LTK: variants seen among roughly 807,000 people sequenced by gnomAD.
The protein encoded by LTK is leukocyte receptor tyrosine kinase.
LTK carries 117 observed loss-of-function variants against 101.5 expected under a neutral mutation model. The observed-to-expected ratio is 1.15, with a 90% CI of 0.99 to 1.34. LTK has a LOEUF of 1.34. Ranked by LOEUF, LTK falls within the 40% of genes most tolerant of loss-of-function variation. LTK has a pLI of 0.00. For synonymous variants in LTK, 563 were observed against 494.2 expected, an observed-to-expected ratio of 1.14 and a Z score of -1.85; for missense variants, 1,252 against 1,164.7, an observed-to-expected ratio of 1.07 and a Z score of -1.09.
Position 41,511,087 on chromosome 15 carries a change from GC to G in LTK, c.997+76del, listed in dbSNP as rs2051440688. ...CTCTCCCACACCTATCCTCCCGAGG[GC>G]TCCGGCCTGTACTTAGGTTCTAACA... On this transcript the variant is annotated intron_variant, in intron 7 of 19. Coordinates refer to ENST00000263800, the MANE Select transcript of LTK (RefSeq NM_002344.6). This position sits in a 1 kb window ranked among gnomAD's most constrained non-coding sequence, Gnocchi z 5.9. The G allele has an allele frequency of 7.7e-7, 1 of 1,299,540 alleles. No homozygotes were observed. Among genetic ancestry groups the G allele is most frequent in the South Asian group, 2.5e-5 (1 of 40,184 alleles). 80.5% of individuals were successfully genotyped at this position (1,299,540 alleles called of 1,614,324 possible).
chr15:41,511,203 C>T lies in LTK; in HGVS notation c.958G>A (p.Gly320Arg), dbSNP rs765599057. 156 of 1,390,846 alleles carry T rather than the reference C, an allele frequency of 1.1e-4. No individual in the cohort carries two copies. Among genetic ancestry groups the T allele is most frequent in the Middle Eastern group, 2.7e-4 (1 of 3,740 alleles). 86.2% of individuals were successfully genotyped at this position (1,390,846 alleles called of 1,614,324 possible). The change falls in exon 7 of 20, where the codon GGG (glycine) becomes AGG (arginine). Residue 320 changes from glycine to arginine, a missense_variant. Coordinates refer to ENST00000263800, the MANE Select transcript of LTK (RefSeq NM_002344.6). This position sits in a 1 kb window ranked among gnomAD's most constrained non-coding sequence, Gnocchi z 5.9. ...AAAGGFGGGG[G>R]ACTAGGGGGG... ...CCGCCTCCGCCCGCAGTGCAGGCCC[C>T]GCCGCCGCCCCCGAAGCCGCCGGCC...
At position 41,505,544 on chromosome 15, in the gene LTK, G is replaced by C. The variant is rs759844131; in HGVS notation, c.1698-14C>G. On this transcript the variant is annotated splice_polypyrimidine_tract_variant and intron_variant, in intron 13 of 19. Transcript: ENST00000263800. Reference sequence around the variant, plus strand: ...TGGCGAAACTTGCTGAGTGGGGTGGGGGACATATCCCGTTACCAGGAGGGA... The same window carrying C: ...TGGCGAAACTTGCTGAGTGGGGTGGCGGACATATCCCGTTACCAGGAGGGA... The C allele has an allele frequency of 8.6e-5, 138 of 1,613,540 alleles. No individual in the cohort carries two copies. Among genetic ancestry groups the C allele is most frequent in the Non-Finnish European group, 1.1e-4 (133 of 1,179,902 alleles).
intron 9 of LTK, 143 bp from the exon 10 acceptor site, chr15:41,507,800 C>A: frequency 1.1e-6 from 1 of 875,216 alleles, no homozygotes; most frequent in Non-Finnish European, 1.7e-6. Flanking sequence ...AGCAACCTCT[C>A]CCTCTTGAAC....
At chr15:41,509,181 A>T in intron 7 of LTK, 52 bp from the exon 8 acceptor site, 1 of 1,085,244 alleles carries the variant, frequency 9.2e-7, no homozygotes, top group South Asian at 1.2e-5. Flanking sequence ...GGGATGGGGG[A>T]GAAGCTGGAA....
rs2051230946 is a variant in LTK, at chr15:41,505,280, C to CG, written c.1852dup (p.Arg618ProfsTer129). On this transcript the variant is annotated frameshift_variant, in exon 15 of 20. Coordinates refer to ENST00000263800, the MANE Select transcript of LTK (RefSeq NM_002344.6). LOFTEE classifies it high-confidence loss of function. ...GTCCTGGGCCAGTTGCAGCAGGTCCCGCATGACCAGAGGTGATGGCTGGCC... is the reference window on the plus strand; with the variant it reads ...GTCCTGGGCCAGTTGCAGCAGGTCCCGGCATGACCAGAGGTGATGGCTGGCC... 6.2e-7 allele frequency: 1 copy of CG among 1,613,818 alleles called. No individual in the cohort carries two copies. Among genetic ancestry groups the CG allele is most frequent in the South Asian group, 1.1e-5 (1 of 91,054 alleles).
At position 41,503,898 on chromosome 15, in the gene LTK, G is replaced by A. The variant is rs1457223927; in HGVS notation, c.*98C>T. ...CCAGACACACAGCACAGACTGCAGG[G>A]AACAGAGGCCGCTGGCATAACAGGC... On this transcript the variant is annotated 3_prime_UTR_variant, in exon 20 of 20. Transcript: ENST00000263800. 4.4e-6 allele frequency: 6 copies of A among 1,364,574 alleles called. No homozygotes were observed. The highest frequency in any genetic ancestry group is 4.4e-5 in the African/African-American group (3 of 68,568). The allele number at this position is 1,364,574 out of a possible 1,614,324, so 84.5% of individuals were successfully genotyped here.
chr15:41,507,337 T>C (rs2051321483), intron 10 of LTK, 47 bp from the exon 11 acceptor site: 1 of 1,530,694 alleles, frequency 6.5e-7, no homozygotes, highest in East Asian at 2.3e-5. Flanking sequence ...GCCCATCAAC[T>C]CTCCCTCCCC....
chr15:41,512,082 C>A (rs1198779400), intron 4 of LTK, 33 bp downstream of exon 4: 1 of 1,546,302 alleles, frequency 6.5e-7, no homozygotes, highest in East Asian at 2.4e-5. Context: ...CCCCCGGCGC[C>A]GGCGCCGCCC....
At chr15:41,505,114 C>T in intron 15 of LTK, 50 bp from the exon 16 acceptor site, 5 of 1,584,092 alleles carry the variant, frequency 3.2e-6, no homozygotes, top group Non-Finnish European at 4.3e-6. Context: ...AGTTCTTGCT[C>T]TTCCTGATCT....
intron 12 of LTK, 36 bp from the exon 13 acceptor site, chr15:41,505,813 T>C (rs761571899): frequency 6.2e-7 from 1 of 1,611,124 alleles, no homozygotes; most frequent in Non-Finnish European, 8.5e-7. Flanking sequence ...TGAGCTGCCC[T>C]GCACGCTTCA....
Position 41,503,860 on chromosome 15 carries a change from C to G in LTK, c.*136G>C. ...GGCAAGTGCAGCGCTGCCAGGCCAGCCCCGAGACAGGCCCAGACACACAGC... is the reference window on the plus strand; with the variant it reads ...GGCAAGTGCAGCGCTGCCAGGCCAGGCCCGAGACAGGCCCAGACACACAGC... On this transcript the variant is annotated 3_prime_UTR_variant, in exon 20 of 20. Coordinates refer to ENST00000263800, the MANE Select transcript of LTK (RefSeq NM_002344.6). 9.2e-7 allele frequency: 1 copy of G among 1,087,350 alleles called. No individual in the cohort carries two copies. Among genetic ancestry groups the G allele is most frequent in the Non-Finnish European group, 1.3e-6 (1 of 777,952 alleles). The allele number at this position is 1,087,350 out of a possible 1,614,324, so 67.4% of individuals were successfully genotyped here. A position where few individuals can be genotyped will look rare whatever the true frequency, so the allele number is the denominator to read the frequency against.
At chr15:41,508,602 A>AATAC (rs66925083) in intron 8 of LTK, among the ~76,000 whole-genome samples, 1 of 135,014 alleles carries the variant, frequency 7.4e-6, no homozygotes, top group African/African-American at 2.6e-5. Context: ...TAAATAAATA[A>AATAC]ATACATGCCT....
chr15:41,509,693 T>A (rs1045316721), intron 7 of LTK, among the ~76,000 whole-genome samples: 2 of 151,998 alleles, frequency 1.3e-5, no homozygotes, highest in Non-Finnish European at 2.9e-5. Flanking sequence ...ACCCCATCTC[T>A]ACTAAAAATA....
In LTK at chr15:41,504,421, A is replaced by G. The variant is rs1346576419; in HGVS notation, c.2267T>C (p.Met756Thr). ...RGCPGPVYRIMTQCWQHEPEL... is the reference protein window; with the variant it reads ...RGCPGPVYRITTQCWQHEPEL... ...AGGCTCGTGCTGCCAACACTGGGTC[A>G]TGATGCGGTACCTGGGGAGAGGCAG... is the stretch of plus-strand genomic sequence containing the variant. Residue 756 changes from methionine (M) to threonine (T), a missense_variant, in exon 19 of 20, where the codon ATG (methionine) becomes ACG (threonine). Met to Thr is a moderately conservative substitution (Grantham distance 81, BLOSUM62 -1). Coordinates refer to ENST00000263800, the MANE Select transcript of LTK (RefSeq NM_002344.6). 1 of 1,614,146 alleles carries G rather than the reference A, an allele frequency of 6.2e-7. No homozygotes were observed. Among genetic ancestry groups the G allele is most frequent in the African/African-American group, 1.3e-5 (1 of 75,058 alleles).
Position 41,503,778 on chromosome 15 carries a change from T to A in LTK, c.*218A>T, listed in dbSNP as rs2051153514. On this transcript the variant is annotated 3_prime_UTR_variant, in exon 20 of 20. Coordinates refer to ENST00000263800, the MANE Select transcript of LTK (RefSeq NM_002344.6). ...TGTAAGGCGGCCTCTGGCCCCAAGA[T>A]CAAAAGCTGGAAGTGGCTGGGCCCT... 6.4e-6 allele frequency: 4 copies of A among 628,878 alleles called. No homozygotes were observed. In the East Asian group the frequency reaches 8.5e-5, roughly 13 times the overall value. The allele number at this position is 628,878 out of a possible 1,614,324, so 39.0% of individuals were successfully genotyped here.
chr15:41,507,185 T>C lies in LTK; in HGVS notation c.1451A>G (p.Tyr484Cys), dbSNP rs1401167361. ...CGGGCCAAGCCCCACCTGGCAATAATAGGGATTGGGGGCTGTCCTGATGGC... is the reference window on the plus strand; with the variant it reads ...CGGGCCAAGCCCCACCTGGCAATAACAGGGATTGGGGGCTGTCCTGATGGC... ...TSAIRTAPNP[Y>C]YCQVGLGPAQ... The change falls in exon 11 of 20, where the codon TAT becomes TGT. Residue 484 changes from tyrosine (Y) to cysteine (C), a missense_variant. Transcript: ENST00000263800. 10 of 1,613,696 alleles carry C rather than the reference T, an allele frequency of 6.2e-6. No homozygotes were observed. The highest frequency in any genetic ancestry group is 2.2e-5 in the South Asian group (2 of 91,044).
intron 19 of LTK, 31 bp downstream of exon 19, chr15:41,504,311 A>G (rs1294351211): frequency 6.2e-7 from 1 of 1,613,250 alleles, no homozygotes; most frequent in South Asian, 1.1e-5. Flanking sequence ...GACCCACAAG[A>G]CCAGGATGTT....
Position 41,507,088 on chromosome 15 carries a change from G to T in LTK, c.1541+7C>A. On this transcript the variant is annotated splice_region_variant and intron_variant, in intron 11 of 19. Coordinates refer to ENST00000263800, the MANE Select transcript of LTK (RefSeq NM_002344.6). ...CATAGGTTCTCAGAAGGAGGCAGAA[G>T]ACTTACCTGAGCAGAGTAACATTGG... The T allele has an allele frequency of 6.2e-7, 1 of 1,610,224 alleles. No homozygotes were observed. Among genetic ancestry groups the T allele is most frequent in the South Asian group, 1.1e-5 (1 of 90,606 alleles).
chr15:41,511,231 G>T lies in LTK; in HGVS notation c.930C>A (p.Ala310=). 7.1e-7 allele frequency: 1 copy of T among 1,404,416 alleles called. No individual in the cohort carries two copies. Among genetic ancestry groups the T allele is most frequent in the Non-Finnish European group, 9.2e-7 (1 of 1,083,280 alleles). The allele number at this position is 1,404,416 out of a possible 1,614,324, so 87.0% of individuals were successfully genotyped here. The change falls in exon 7 of 20, where the codon GCC becomes GCA. Residue 310 remains alanine (A), a synonymous_variant. Coordinates refer to ENST00000263800, the MANE Select transcript of LTK (RefSeq NM_002344.6). The surrounding 1 kb of genome is among the most constrained non-coding windows in gnomAD (Gnocchi z 5.9). ...CSEAWATLGW[A]AAGGFGGGGG... ...CGCCGCCCCCGAAGCCGCCGGCCGC[G>T]GCCCAGCCAAGGGTCGCCCAAGCCT...
Sources: gnomAD v4.1 joint callset for allele counts (sites outside exome capture counted in the v4.1 genomes callset) on GRCh38, gnomAD v4.1.1 for gene constraint, Gnocchi (gnomAD v3.1) non-coding constraint, MANE v1.5 for transcripts, NCBI Gene and HGNC (gene_info 2026-07-23, HGNC 2026-07-21) for gene names.